Variants in PBX1 observed in about 807,000 individuals in gnomAD.
PBX1 encodes the protein pre-B-cell leukemia transcription factor 1.
Under a neutral mutation model 53.4 loss-of-function variants are expected in PBX1, and 6 were observed. The ratio of observed to expected loss-of-function variants is 0.11; its 90% CI spans 0.06 to 0.22. PBX1 has a LOEUF of 0.22. PBX1 is among the 10% of genes least tolerant of loss of function. The probability of loss-of-function intolerance (pLI) is 1.00; values close to 1 mark genes in which losing one functional copy is unlikely to be tolerated. For missense variants in PBX1, 251 were observed against 551.4 expected, an observed-to-expected ratio of 0.46 and a Z score of 5.46; for synonymous variants, 204 against 212.3, an observed-to-expected ratio of 0.96 and a Z score of 0.34.
At chr1:164,707,430 A>T (rs947507862) in intron 2 of PBX1, among the ~76,000 whole-genome samples, 2,753 of 143,618 alleles carry the variant, frequency 0.019, 63 homozygotes, top group South Asian at 0.075. Flanking sequence ...AGAGAGAGAG[A>T]GAGAGAGAGA....
intron 8 of PBX1, among the ~76,000 whole-genome samples, chr1:164,836,844 A>T (rs545014151): frequency 6.6e-6 from 1 of 152,304 alleles, no homozygotes; most frequent in East Asian, 1.9e-4. Flanking sequence ...TTCTATTGTG[A>T]TTATAGCCTG....
intron 2 of PBX1, among the ~76,000 whole-genome samples, chr1:164,580,786 C>T (rs1654561564): frequency 6.6e-6 from 1 of 152,170 alleles, no homozygotes; most frequent in African/African-American, 2.4e-5. Context: ...ACCATGTTGG[C>T]CAGGCTGGCC....
At chr1:164,807,503 G>A (rs756940016) in intron 4 of PBX1, 39 bp from the exon 5 acceptor site, 5 of 1,602,046 alleles carry the variant, frequency 3.1e-6, no homozygotes, top group Non-Finnish European at 4.3e-6. Flanking sequence ...TTTATTTGGT[G>A]TGAGCCTTTT....
At chr1:164,621,729 A>G (rs574565578) in intron 2 of PBX1, among the ~76,000 whole-genome samples, 14 of 152,324 alleles carry the variant, frequency 9.2e-5, no homozygotes, top group Middle Eastern at 3.4e-3. Flanking sequence ...AAAAGGATCA[A>G]TGGACATACC....
At chr1:164,769,459 A>C (rs150078482) in intron 2 of PBX1, 2 of 152,062 alleles carry the variant, frequency 1.3e-5, no homozygotes, top group South Asian at 2.1e-4. Flanking sequence ...TGAGACATGC[A>C]CTCTTTTCTG....
At chr1:164,611,744 GGT>G (rs1656949301) in intron 2 of PBX1, among the ~76,000 whole-genome samples, 1 of 152,152 alleles carries the variant, frequency 6.6e-6, no homozygotes, top group Admixed American at 6.5e-5. Context: ...TAGAGAAGAG[GGT>G]GACATACCCC....
intron 2 of PBX1, among the ~76,000 whole-genome samples, chr1:164,760,716 C>T (rs1278690374): frequency 6.6e-6 from 1 of 152,104 alleles, no homozygotes; most frequent in Admixed American, 6.5e-5. Context: ...ATGCAGCATG[C>T]GTTACAGATG....
At chr1:164,876,007 C>CATATATATATATATATATATAT (rs1318941950) in intron 2 of PBX1, among the ~76,000 whole-genome samples, 1 of 113,686 alleles carries the variant, frequency 8.8e-6, no homozygotes, top group African/African-American at 3.5e-5. Flanking sequence ...TATATATATA[C>CATATATATATATATATATATAT]ACACATACAC....
intron 2 of PBX1, among the ~76,000 whole-genome samples, chr1:164,876,161 T>A (rs1672506157): frequency 6.6e-6 from 1 of 151,894 alleles, no homozygotes; most frequent in Admixed American, 6.6e-5. Context: ...TAAATTATTA[T>A]TAAGCACTTT....
chr1:164,850,672 A>C lies in PBX1; in HGVS notation c.*3996A>C, dbSNP rs1671791754. 1 of 193,774 alleles carries C rather than the reference A, an allele frequency of 5.2e-6. No homozygotes were observed. Among genetic ancestry groups the C allele is most frequent in the South Asian group, 1.9e-4 (1 of 5,184 alleles). The allele number at this position is 193,774 out of a possible 1,614,324, so 12.0% of individuals were successfully genotyped here. On this transcript the variant is annotated 3_prime_UTR_variant, in exon 9 of 9. Coordinates refer to ENST00000420696, the MANE Select transcript of PBX1 (RefSeq NM_002585.4). The stretch of plus-strand genomic sequence containing the variant: ...CAGTTAATGCCAAAAGCGAAGATCA[A>C]GCCCATGTTGATGTCTCGTTGCTCA...
At chr1:164,844,917 G>GA (rs1671493831) in intron 8 of PBX1, among the ~76,000 whole-genome samples, 2 of 152,302 alleles carry the variant, frequency 1.3e-5, no homozygotes, top group South Asian at 4.1e-4. Context: ...ACAGCAGGGG[G>GA]AAATGTCCTC....
chr1:164,849,137 A>C lies in PBX1; in HGVS notation c.*2461A>C. On this transcript the variant is annotated 3_prime_UTR_variant, in exon 9 of 9. Coordinates refer to ENST00000420696, the MANE Select transcript of PBX1 (RefSeq NM_002585.4). Reference sequence around the variant, plus strand: ...TGCTTGACTTAGGGCAAAGTACGAAAGAGAGACAAAAGGGTTCTCTTGGAA... The same window carrying C: ...TGCTTGACTTAGGGCAAAGTACGAACGAGAGACAAAAGGGTTCTCTTGGAA... 7.2e-7 allele frequency: 1 copy of C among 1,383,956 alleles called. No homozygotes were observed. Among genetic ancestry groups the C allele is most frequent in the Non-Finnish European group, 9.4e-7 (1 of 1,069,054 alleles). 85.7% of individuals were successfully genotyped at this position (1,383,956 alleles called of 1,614,324 possible). A position where few individuals can be genotyped will look rare whatever the true frequency, so the allele number is the denominator to read the frequency against.
At chr1:164,807,369 T>C (rs914295919) in intron 4 of PBX1, among the ~76,000 whole-genome samples, 173 bp from the exon 5 acceptor site, 12 of 152,230 alleles carry the variant, frequency 7.9e-5, no homozygotes, top group African/African-American at 1.7e-4. Flanking sequence ...CAATGAAGTA[T>C]TGAGCAAATG....
intron 2 of PBX1, among the ~76,000 whole-genome samples, chr1:164,600,566 T>C (rs1349556948): frequency 6.6e-6 from 1 of 152,158 alleles, no homozygotes; most frequent in Non-Finnish European, 1.5e-5. Context: ...GCTTTTTAAC[T>C]AAAGTCTGCC....
At chr1:164,868,640 T>C (rs1306464304) in intron 2 of PBX1, among the ~76,000 whole-genome samples, 2 of 152,332 alleles carry the variant, frequency 1.3e-5, no homozygotes. Flanking sequence ...TCTGTCTCTC[T>C]GATTCCTAAA....
chr1:164,710,469 T>C (rs1663690566), intron 2 of PBX1, among the ~76,000 whole-genome samples: 1 of 152,092 alleles, frequency 6.6e-6, no homozygotes, highest in South Asian at 2.1e-4. Flanking sequence ...TGGAGTGCAA[T>C]GGCGTCATCT....
chr1:164,848,359 G>C lies in PBX1; in HGVS notation c.*1683G>C, dbSNP rs1671670412. ...TTTTGGTGCCTCATTTTCTTCATCT[G>C]TGAGATGGGAACTGTTATGCCTGGC... On this transcript the variant is annotated 3_prime_UTR_variant, in exon 9 of 9. Transcript: ENST00000420696. 2.8e-6 allele frequency: 3 copies of C among 1,057,070 alleles called. No individual in the cohort carries two copies. Among genetic ancestry groups the C allele is most frequent in the Non-Finnish European group, 3.4e-6 (3 of 874,144 alleles). 65.5% of individuals were successfully genotyped at this position (1,057,070 alleles called of 1,614,324 possible).
At chr1:164,746,567 G>A (rs1665905940) in intron 2 of PBX1, among the ~76,000 whole-genome samples, 1 of 151,824 alleles carries the variant, frequency 6.6e-6, no homozygotes, top group African/African-American at 2.4e-5. Context: ...AGTAGAGACG[G>A]GGTTTTACCA....
At chr1:164,843,471 C>T (rs1671407254) in intron 8 of PBX1, among the ~76,000 whole-genome samples, 1 of 151,832 alleles carries the variant, frequency 6.6e-6, no homozygotes, top group African/African-American at 2.4e-5. Context: ...ATGGGAAAGT[C>T]CTGGGCAAAC....
Sources: allele counts gnomAD v4.1 joint callset (sites outside exome capture counted in the v4.1 genomes callset), GRCh38; gene constraint gnomAD v4.1.1; transcripts MANE v1.5; gene names NCBI Gene and HGNC (gene_info 2026-07-23, HGNC 2026-07-21).